Variants in GPC5 observed in about 807,000 individuals in gnomAD.
GPC5 encodes the protein glypican-5.
In GPC5, 47 loss-of-function variants were observed where a neutral mutation model predicts 53.9. That is an observed-to-expected ratio of 0.87 (90% CI 0.69 to 1.11). The LOEUF (loss-of-function observed/expected upper bound fraction) is 1.11. GPC5 is among the 50% of genes most tolerant of loss of function. GPC5 has a pLI of 0.00. For missense variants in GPC5, 748 were observed against 713.1 expected (o/e 1.05, Z -0.56); for synonymous variants, 286 against 263.3 (o/e 1.09, Z -0.84).
chr13:91,632,946 G>T (rs1437520890), intron 2 of GPC5, among the ~76,000 whole-genome samples: 1 of 152,132 alleles, frequency 6.6e-6, no homozygotes, highest in East Asian at 1.9e-4. Context: ...GTGAGAGTTA[G>T]TTATCATAGC....
chr13:92,235,202 T>C (rs1022456192), intron 7 of GPC5, among the ~76,000 whole-genome samples: 14 of 152,108 alleles, frequency 9.2e-5, no homozygotes, highest in African/African-American at 3.4e-4. Context: ...CTGCTACAGT[T>C]TTTTAATCAA....
At chr13:91,524,295 T>C (rs73608303) in intron 2 of GPC5, among the ~76,000 whole-genome samples, 1,898 of 152,170 alleles carry the variant, frequency 0.012, 40 homozygotes, top group African/African-American at 0.042. Context: ...GCAGTTGAAA[T>C]TTTCACTCTA....
At chr13:92,317,043 T>C (rs553534082) in intron 7 of GPC5, among the ~76,000 whole-genome samples, 2 of 152,310 alleles carry the variant, frequency 1.3e-5, no homozygotes, top group East Asian at 3.9e-4. Flanking sequence ...CAAGTCATAC[T>C]ACAAGCAATT....
At chr13:92,502,706 T>C (rs1318436638) in intron 7 of GPC5, among the ~76,000 whole-genome samples, 2 of 151,996 alleles carry the variant, frequency 1.3e-5, no homozygotes, top group Non-Finnish European at 2.9e-5. Context: ...AAATCAAGCA[T>C]GGTCAGAACT....
At chr13:91,643,818 T>C (rs2034492673) in intron 2 of GPC5, among the ~76,000 whole-genome samples, 1 of 152,148 alleles carries the variant, frequency 6.6e-6, no homozygotes, top group Non-Finnish European at 1.5e-5. Context: ...GCACCAGTCA[T>C]AATGGATTAG....
chr13:92,705,025 G>A (rs796277579), intron 7 of GPC5, among the ~76,000 whole-genome samples: 14 of 151,778 alleles, frequency 9.2e-5, no homozygotes, highest in African/African-American at 3.1e-4. Context: ...CAGTGCTCAT[G>A]GGACTGCAAA....
chr13:92,025,097 C>T (rs2040789952), intron 6 of GPC5, among the ~76,000 whole-genome samples: 2 of 152,172 alleles, frequency 1.3e-5, no homozygotes, highest in South Asian at 4.2e-4. Flanking sequence ...CATATTTTTG[C>T]CTCCCCCTTT....
At chr13:92,410,811 T>C (rs1439885460) in intron 7 of GPC5, among the ~76,000 whole-genome samples, 2 of 152,222 alleles carry the variant, frequency 1.3e-5, no homozygotes, top group African/African-American at 2.4e-5. Context: ...CTAATATTAT[T>C]TAAATAAATC....
chr13:92,234,121 A>G (rs949651571), intron 7 of GPC5, among the ~76,000 whole-genome samples: 1 of 152,132 alleles, frequency 6.6e-6, no homozygotes, highest in Admixed American at 6.6e-5. Context: ...ATAAACATAC[A>G]TGTGCATGTG....
intron 7 of GPC5, among the ~76,000 whole-genome samples, chr13:92,477,701 A>T (rs1460284911): frequency 2.0e-5 from 3 of 152,122 alleles, no homozygotes; most frequent in Admixed American, 1.3e-4. Flanking sequence ...TGTTTTGTAC[A>T]CTCAATGAAG....
At chr13:92,691,497 C>T (rs1887395305) in intron 7 of GPC5, among the ~76,000 whole-genome samples, 1 of 150,728 alleles carries the variant, frequency 6.6e-6, no homozygotes, top group Non-Finnish European at 1.5e-5. Flanking sequence ...CCCGGTACCT[C>T]AGATGGAAAT....
chr13:92,704,887 G>GTA (rs557567460), intron 7 of GPC5, among the ~76,000 whole-genome samples: 2 of 147,872 alleles, frequency 1.4e-5, no homozygotes, highest in African/African-American at 5.1e-5. Flanking sequence ...CTCAATGTGT[G>GTA]TATATATATG....
intron 7 of GPC5, among the ~76,000 whole-genome samples, chr13:92,264,276 G>T (rs1340020485): frequency 6.6e-6 from 1 of 151,978 alleles, no homozygotes; most frequent in African/African-American, 2.4e-5. Flanking sequence ...TTAGAAGCTG[G>T]CTGTAACATT....
At chr13:91,786,906 C>T (rs2037887804) in intron 5 of GPC5, among the ~76,000 whole-genome samples, 1 of 148,422 alleles carries the variant, frequency 6.7e-6, no homozygotes, top group African/African-American at 2.5e-5. Context: ...GTACACAGGT[C>T]TGGCACATCT....
At chr13:92,055,482 G>T (rs1402756640) in intron 6 of GPC5, among the ~76,000 whole-genome samples, 1 of 152,112 alleles carries the variant, frequency 6.6e-6, no homozygotes, top group Non-Finnish European at 1.5e-5. Flanking sequence ...TGTGAACCAT[G>T]TTTTGCTTTG....
chr13:92,559,941 T>G (rs536185779), intron 7 of GPC5, among the ~76,000 whole-genome samples: 5 of 151,214 alleles, frequency 3.3e-5, no homozygotes, highest in Non-Finnish European at 5.9e-5. Flanking sequence ...CACCCAAGAG[T>G]TCAGCATTAA....
intron 6 of GPC5, among the ~76,000 whole-genome samples, chr13:92,055,740 T>C (rs1418893028): frequency 1.3e-5 from 2 of 152,210 alleles, no homozygotes; most frequent in Non-Finnish European, 2.9e-5. Flanking sequence ...AGTAAGCATA[T>C]TTAATTTATC....
chr13:92,458,904 C>T (rs190581434), intron 7 of GPC5, among the ~76,000 whole-genome samples: 5 of 152,246 alleles, frequency 3.3e-5, no homozygotes, highest in Admixed American at 1.3e-4. Context: ...TGCAACAATG[C>T]TTTTAAGCAA....
chr13:92,369,897 A>C (rs2043636618), intron 7 of GPC5, among the ~76,000 whole-genome samples: 1 of 152,230 alleles, frequency 6.6e-6, no homozygotes, highest in South Asian at 2.1e-4. Flanking sequence ...CAATTCTATT[A>C]AGGAAAGTCA....
Sources: gnomAD v4.1 joint callset for allele counts (sites outside exome capture counted in the v4.1 genomes callset) on GRCh38, gnomAD v4.1.1 for gene constraint, MANE v1.5 for transcripts, NCBI Gene and HGNC (gene_info 2026-07-23, HGNC 2026-07-21) for gene names.